CSPP1: variants seen among roughly 807,000 people sequenced by gnomAD.
CSPP1 encodes the protein centrosome and spindle pole-associated protein 1.
In CSPP1, 126 loss-of-function variants were observed where a neutral mutation model predicts 164.4. The observed-to-expected ratio is 0.77, with a 90% confidence interval of 0.66 to 0.89. CSPP1 has a LOEUF of 0.89. Ranked by LOEUF, CSPP1 falls within the 40% of genes least tolerant of loss-of-function variation. The pLI is 0.00. For missense variants in CSPP1, 1,395 were observed against 1,449.8 expected (o/e 0.96, Z 0.61); for synonymous variants, 472 against 476.7 (o/e 0.99, Z 0.13).
At chr8:67,124,707 G>A (rs1819721140) in intron 15 of CSPP1, among the ~76,000 whole-genome samples, 1 of 151,930 alleles carries the variant, frequency 6.6e-6, no homozygotes, top group African/African-American at 2.4e-5. Flanking sequence ...TTGGAGATAG[G>A]ATCTCACTCT....
intron 3 of CSPP1, among the ~76,000 whole-genome samples, chr8:67,079,663 G>C (rs1217005150): frequency 6.6e-6 from 1 of 152,038 alleles, no homozygotes; most frequent in African/African-American, 2.4e-5. Flanking sequence ...CCCTTTGATG[G>C]CTTCTTTTTT....
intron 21 of CSPP1, 71 bp downstream of exon 21, chr8:67,159,208 G>A (rs1318635131): frequency 1.4e-6 from 2 of 1,391,798 alleles, no homozygotes; most frequent in African/African-American, 2.9e-5. Context: ...TTGTACAGTT[G>A]TTAGAAAAGG....
intron 21 of CSPP1, among the ~76,000 whole-genome samples, chr8:67,159,846 CTTTCTTTT>C (rs1312039708): frequency 9.1e-5 from 11 of 121,048 alleles, no homozygotes; most frequent in Non-Finnish European, 4.8e-5. Context: ...TTCTTTCTTT[CTTTCTTTT>C]TCTTTCTTTC....
At position 67,080,027 on chromosome 8, in the gene CSPP1, A is replaced by G. The variant is rs142481100; in HGVS notation, c.199+3446A>G. ...GGAATTTTATTAAAGAACAATATAT[A>G]ATTGACTAATTTTATACTGCATAAG... On this transcript the variant is annotated intron_variant, in intron 3 of 30. Coordinates refer to ENST00000678616, the MANE Select transcript of CSPP1 (RefSeq NM_001382391.1). Among the ~76,000 whole-genome samples the G allele has an allele frequency of 4.0e-3, 609 of 152,324 alleles. 17 individuals carry two copies. Among genetic ancestry groups the G allele is most frequent in the Admixed American group, 0.032 (496 of 15,302 alleles).
intron 20 of CSPP1, 109 bp downstream of exon 20, chr8:67,158,705 GA>G: frequency 7.6e-7 from 1 of 1,310,786 alleles, no homozygotes; most frequent in Non-Finnish European, 1.0e-6. Flanking sequence ...AGTACATTTA[GA>G]AAATATCAGA....
intron 3 of CSPP1, among the ~76,000 whole-genome samples, chr8:67,079,491 A>G (rs560095199): frequency 1.6e-3 from 240 of 152,098 alleles, no homozygotes; most frequent in African/African-American, 5.6e-3. Flanking sequence ...AATCCCACTG[A>G]CTTTCTTTTA....
chr8:67,143,411 A>G (rs965018768), intron 17 of CSPP1, among the ~76,000 whole-genome samples: 1 of 152,048 alleles, frequency 6.6e-6, no homozygotes, highest in African/African-American at 2.4e-5. Context: ...AAGTTATAGT[A>G]AGTAAATAAT....
In CSPP1 at chr8:67,143,238, C is replaced by G. The variant is rs553150581; in HGVS notation, c.1975+5635C>G. On this transcript the variant is annotated intron_variant, in intron 17 of 30. Coordinates refer to ENST00000678616, the MANE Select transcript of CSPP1 (RefSeq NM_001382391.1). The stretch of plus-strand genomic sequence containing the variant: ...TGCTCTATATTTCTATCCTTTTGCC[C>G]GTATCAGAGTCTCTTGATTACTATA... Among the ~76,000 whole-genome samples the G allele has an allele frequency of 9.2e-4, 140 of 151,884 alleles. 1 individual carries two copies. The highest frequency in any genetic ancestry group is 3.3e-3 in the African/African-American group (135 of 41,462).
At chr8:67,074,065 A>G (rs1807382364) in intron 1 of CSPP1, among the ~76,000 whole-genome samples, 178 bp from the exon 2 acceptor site, 1 of 152,048 alleles carries the variant, frequency 6.6e-6, no homozygotes. Context: ...AGTATATTGT[A>G]GGCTTTTTGG....
chr8:67,143,350 C>G (rs181240731), intron 17 of CSPP1, among the ~76,000 whole-genome samples: 4 of 151,624 alleles, frequency 2.6e-5, no homozygotes, highest in African/African-American at 9.7e-5. Context: ...TCAACTTCTT[C>G]GCATATTTTA....
intron 21 of CSPP1, among the ~76,000 whole-genome samples, chr8:67,159,840 TTCTTTCTTTCTTTTTC>T (rs1827451508): frequency 1.5e-5 from 2 of 129,558 alleles, no homozygotes; most frequent in East Asian, 2.1e-4. Flanking sequence ...CTTTCTTTCT[TTCTTTCTTTCTTTTTC>T]TTTCTTTCTT....
At chr8:67,085,026 A>C (rs1404065309) in intron 3 of CSPP1, among the ~76,000 whole-genome samples, 1 of 152,176 alleles carries the variant, frequency 6.6e-6, no homozygotes, top group South Asian at 2.1e-4. Context: ...TTGTACAGTC[A>C]TCATTGTCAT....
At chr8:67,172,687 T>G (rs535959806) in intron 25 of CSPP1, 132 bp downstream of exon 25, 63 of 778,134 alleles carry the variant, frequency 8.1e-5, no homozygotes, top group Middle Eastern at 6.6e-4. Flanking sequence ...TAAAATGAAA[T>G]GAAACTTATG....
chr8:67,114,961 G>A (rs1317298615), intron 12 of CSPP1: 1 of 152,222 alleles, frequency 6.6e-6, no homozygotes, highest in Non-Finnish European at 1.5e-5. Flanking sequence ...CATAAGTGAT[G>A]TTCTAAAGTA....
At chr8:67,165,455 AATGT>A (rs1463301249) in intron 24 of CSPP1, among the ~76,000 whole-genome samples, 3 of 152,172 alleles carry the variant, frequency 2.0e-5, no homozygotes, top group Non-Finnish European at 4.4e-5. Flanking sequence ...GTTTTCTACT[AATGT>A]TCTCCTTCTG....
At chr8:67,176,998 G>A (rs538377324) in intron 26 of CSPP1, among the ~76,000 whole-genome samples, 101 of 150,642 alleles carry the variant, frequency 6.7e-4, no homozygotes, top group African/African-American at 2.2e-3. Flanking sequence ...TTGAACCCAG[G>A]AGGTGGAGGT....
chr8:67,087,556 G>A (rs560912647), intron 4 of CSPP1, among the ~76,000 whole-genome samples: 1 of 152,314 alleles, frequency 6.6e-6, no homozygotes, highest in South Asian at 2.1e-4. Flanking sequence ...AGATTTGGGT[G>A]ATCTGGAGAG....
chr8:67,131,865 A>G, intron 15 of CSPP1, 86 bp from the exon 16 acceptor site: 1 of 1,188,860 alleles, frequency 8.4e-7, no homozygotes, highest in Non-Finnish European at 1.2e-6. Flanking sequence ...ATGTATTTAT[A>G]TGCCATGCTA....
chr8:67,187,514 T>G (rs1835002244), intron 28 of CSPP1, among the ~76,000 whole-genome samples: 1 of 151,938 alleles, frequency 6.6e-6, no homozygotes, highest in South Asian at 2.1e-4. Context: ...ACACCTTGTC[T>G]CTACAAAAAA....
Sources: allele counts gnomAD v4.1 joint callset (sites outside exome capture counted in the v4.1 genomes callset), GRCh38; gene constraint gnomAD v4.1.1; transcripts MANE v1.5; gene names NCBI Gene and HGNC (gene_info 2026-07-23, HGNC 2026-07-21).